CAMTA1: variants seen among roughly 807,000 people sequenced by gnomAD.
CAMTA1 encodes calmodulin binding transcription activator 1, also known as calmodulin-binding transcription activator 1.
CAMTA1 carries 27 observed loss-of-function variants against 170.9 expected under a neutral mutation model. The observed-to-expected ratio is 0.16, with a 90% CI of 0.12 to 0.22. CAMTA1 has a LOEUF of 0.22. CAMTA1 is among the 10% of genes least tolerant of loss of function. The pLI is 1.00. For synonymous variants in CAMTA1, 833 were observed against 891.5 expected (o/e 0.93, Z 1.17); for missense variants, 1,619 against 2,217.2 (o/e 0.73, Z 5.42).
At chr1:7,118,471 A>G (rs190248414) in intron 4 of CAMTA1, among the ~76,000 whole-genome samples, 2 of 150,226 alleles carry the variant, frequency 1.3e-5, no homozygotes, top group Admixed American at 1.3e-4. Flanking sequence ...TAAAAAAAAA[A>G]TTTTTTTTTG....
intron 5 of CAMTA1, among the ~76,000 whole-genome samples, chr1:7,353,912 C>T (rs911549784): frequency 5.9e-5 from 9 of 152,020 alleles, no homozygotes; most frequent in Admixed American, 5.2e-4. Context: ...TTCTGCCCAC[C>T]CTCCACCTAC....
intron 3 of CAMTA1, among the ~76,000 whole-genome samples, chr1:6,953,468 G>C (rs1485884806): frequency 3.9e-5 from 6 of 152,236 alleles, no homozygotes; most frequent in Non-Finnish European, 7.3e-5. Context: ...TGTGGCTTCA[G>C]GCCTGGGTCT....
intron 11 of CAMTA1, among the ~76,000 whole-genome samples, chr1:7,706,121 T>C (rs2096522860): frequency 6.6e-6 from 1 of 152,258 alleles, no homozygotes; most frequent in African/African-American, 2.4e-5. Context: ...GTCTTCTTAA[T>C]CAGTTGCCTC....
rs138367674 is a variant in CAMTA1 at position 7,178,977 on chromosome 1, G to A, written c.303-70514G>A. ...CCAGGATGCTGGCTGTGTGAACCAGGGAACAGCCCAGGATTCATGTATACT... is the reference window on the plus strand; with the variant it reads ...CCAGGATGCTGGCTGTGTGAACCAGAGAACAGCCCAGGATTCATGTATACT... On this transcript the variant is annotated intron_variant, in intron 4 of 22. Coordinates refer to ENST00000303635, the MANE Select transcript of CAMTA1 (RefSeq NM_015215.4). 6.2e-3 allele frequency among the ~76,000 whole-genome samples: 943 copies of A among 152,302 alleles called. 4 individuals carry two copies. The highest frequency in any genetic ancestry group is 0.022 in the African/African-American group (899 of 41,564).
chr1:7,043,101 G>A (rs1393969009), intron 3 of CAMTA1, among the ~76,000 whole-genome samples: 2 of 152,320 alleles, frequency 1.3e-5, no homozygotes, highest in East Asian at 3.9e-4. Flanking sequence ...TGTGGAGCCT[G>A]GCAGGACGGG....
intron 1 of CAMTA1, among the ~76,000 whole-genome samples, chr1:6,813,680 G>A (rs1645447860): frequency 6.6e-6 from 1 of 152,018 alleles, no homozygotes; most frequent in Admixed American, 6.6e-5. Flanking sequence ...GAGTGCAGTG[G>A]CACAGCTCAC....
chr1:6,867,101 G>T (rs920000660), intron 3 of CAMTA1, among the ~76,000 whole-genome samples: 8 of 152,154 alleles, frequency 5.3e-5, no homozygotes, highest in Non-Finnish European at 1.2e-4. Context: ...GTTGTGCATT[G>T]TCTTGTACAT....
intron 5 of CAMTA1, among the ~76,000 whole-genome samples, chr1:7,270,291 A>ATTTTTTTT (rs34768255): frequency 1.4e-3 from 151 of 110,528 alleles, no homozygotes; most frequent in African/African-American, 4.1e-3. Context: ...ATATATATAT[A>ATTTTTTTT]TTTTTTTTTT....
At chr1:7,619,452 G>T (rs1399745271) in intron 6 of CAMTA1, among the ~76,000 whole-genome samples, 1 of 151,980 alleles carries the variant, frequency 6.6e-6, no homozygotes, top group Non-Finnish European at 1.5e-5. Context: ...AAGAAGAGTG[G>T]GATGTTCTGC....
chr1:6,916,391 G>T (rs570363950), intron 3 of CAMTA1, among the ~76,000 whole-genome samples: 49 of 152,258 alleles, frequency 3.2e-4, no homozygotes, highest in African/African-American at 1.0e-3. Context: ...TGTAAGGCCC[G>T]CCCCACCTCT....
intron 3 of CAMTA1, among the ~76,000 whole-genome samples, chr1:6,975,207 C>G (rs1159087621): frequency 3.9e-5 from 6 of 152,138 alleles, no homozygotes; most frequent in African/African-American, 1.4e-4. Context: ...TCAGTGTGAG[C>G]CTTGGGGAAA....
intron 11 of CAMTA1, among the ~76,000 whole-genome samples, chr1:7,710,848 A>AAG (rs1234691412): frequency 6.6e-6 from 1 of 152,078 alleles, no homozygotes; most frequent in African/African-American, 2.4e-5. Context: ...TGTCTCCAGG[A>AAG]AGACAGCTCT....
chr1:7,557,640 A>G (rs2094897461), intron 6 of CAMTA1, among the ~76,000 whole-genome samples: 1 of 152,292 alleles, frequency 6.6e-6, no homozygotes, highest in South Asian at 2.1e-4. Context: ...GATTTGGCCC[A>G]TTTCTCCCCC....
chr1:6,928,445 G>A (rs1485827040), intron 3 of CAMTA1, among the ~76,000 whole-genome samples: 1 of 152,172 alleles, frequency 6.6e-6, no homozygotes, highest in East Asian at 1.9e-4. Flanking sequence ...CAGGTCGACT[G>A]TAAACTCAGG....
intron 5 of CAMTA1, among the ~76,000 whole-genome samples, chr1:7,429,526 A>G (rs747870240): frequency 1.1e-4 from 16 of 151,274 alleles, no homozygotes; most frequent in Non-Finnish European, 2.4e-4. Flanking sequence ...ACTGAAGGTG[A>G]TGGTGATGAT....
intron 6 of CAMTA1, among the ~76,000 whole-genome samples, chr1:7,484,081 C>T (rs1275532079): frequency 2.0e-5 from 3 of 152,220 alleles, no homozygotes; most frequent in East Asian, 1.9e-4. Flanking sequence ...TCACTCTGAG[C>T]CTCACCAAGC....
rs114492451 is a variant in CAMTA1 at position 7,462,758 on chromosome 1, C to T, written c.439-5072C>T. On this transcript the variant is annotated intron_variant, in intron 5 of 22. Transcript: ENST00000303635. ...CCCTGCCCTGGCAGGGACCTAGTAA[C>T]CCCCGAGGCCACCCGGCTCTCAAAG... Among the ~76,000 whole-genome samples the T allele has an allele frequency of 2.8e-3, 424 of 152,318 alleles. 1 individual carries two copies. Among genetic ancestry groups the T allele is most frequent in the African/African-American group, 9.9e-3 (413 of 41,570 alleles).
At chr1:7,228,743 G>A (rs984320811) in intron 4 of CAMTA1, among the ~76,000 whole-genome samples, 1 of 152,182 alleles carries the variant, frequency 6.6e-6, no homozygotes, top group Non-Finnish European at 1.5e-5. Flanking sequence ...TTCGGGATTG[G>A]CCCTGAGGAA....
chr1:6,983,569 T>C (rs1694793942), intron 3 of CAMTA1, among the ~76,000 whole-genome samples: 1 of 152,264 alleles, frequency 6.6e-6, no homozygotes, highest in Non-Finnish European at 1.5e-5. Context: ...TATTATTTCA[T>C]ATTTATCTTC....
Sources: allele counts gnomAD v4.1 joint callset (sites outside exome capture counted in the v4.1 genomes callset), GRCh38; gene constraint gnomAD v4.1.1; transcripts MANE v1.5; gene names NCBI Gene and HGNC (gene_info 2026-07-23, HGNC 2026-07-21).